The following SCFD2 variants were observed in gnomAD, a reference collection of about 807,000 sequenced individuals.
SCFD2 encodes the protein sec1 family domain-containing protein 2.
Under a neutral mutation model 58.9 loss-of-function variants are expected in SCFD2, and 54 were observed. That is an observed-to-expected ratio of 0.92 (90% CI 0.74 to 1.15). SCFD2 has a LOEUF of 1.15. SCFD2 is among the 50% of genes most tolerant of loss of function. The probability of loss-of-function intolerance (pLI) is 0.00; values close to 1 mark genes in which losing one functional copy is unlikely to be tolerated. For synonymous variants in SCFD2, 321 were observed against 335.9 expected, an observed-to-expected ratio of 0.96 and a Z score of 0.49; for missense variants, 805 against 836.6, an observed-to-expected ratio of 0.96 and a Z score of 0.47.
intron 7 of SCFD2, 130 bp from the exon 8 acceptor site, chr4:52,885,996 A>C (rs1718731444): frequency 8.7e-7 from 1 of 1,153,656 alleles, no homozygotes; most frequent in African/African-American, 1.5e-5. Flanking sequence ...AGGCAGACAA[A>C]TCCTAGGCAG....
chr4:53,152,935 A>T (rs1195693041), intron 4 of SCFD2, among the ~76,000 whole-genome samples: 1 of 152,220 alleles, frequency 6.6e-6, no homozygotes, highest in African/African-American at 2.4e-5. Flanking sequence ...TATGTCTCAC[A>T]TCCTGGGCAC....
intron 4 of SCFD2, among the ~76,000 whole-genome samples, chr4:53,266,189 T>C (rs1730979397): frequency 6.6e-6 from 1 of 152,200 alleles, no homozygotes; most frequent in Non-Finnish European, 1.5e-5. Context: ...AACATTTTTC[T>C]AAGTGACAAA....
At position 53,311,934 on chromosome 4, in the gene SCFD2, G is replaced by A. The variant is rs149469922; in HGVS notation, c.1135+1702C>T. Reference sequence around the variant, plus strand: ...TAGTCGAGAGCCACTGCGTCCGGCCGATTCACAATATTAATTAGTTCTTGT... The same window carrying A: ...TAGTCGAGAGCCACTGCGTCCGGCCAATTCACAATATTAATTAGTTCTTGT... On this transcript the variant is annotated intron_variant, in intron 3 of 8. Transcript: ENST00000401642. 1.4e-3 allele frequency among the ~76,000 whole-genome samples: 206 copies of A among 151,932 alleles called. 1 individual carries two copies. Among genetic ancestry groups the A allele is most frequent in the African/African-American group, 4.6e-3 (192 of 41,478 alleles).
chr4:53,167,246 A>G (rs1411758198), intron 4 of SCFD2, among the ~76,000 whole-genome samples: 1 of 152,218 alleles, frequency 6.6e-6, no homozygotes, highest in East Asian at 1.9e-4. Context: ...AATACTCTGT[A>G]GCCTTTTCTA....
chr4:52,907,503 G>A lies in SCFD2; in HGVS notation c.1796C>T (p.Ser599Leu). The A allele has an allele frequency of 1.9e-6, 3 of 1,613,964 alleles. No homozygotes were observed. The highest frequency in any genetic ancestry group is 2.2e-5 in the East Asian group (1 of 44,882). ...PDSVDIEHMSSGLTDLLKTGF... is the reference protein window; with the variant it reads ...PDSVDIEHMSLGLTDLLKTGF... ...AGTTTTAAGGAGATCAGTGAGGCCT[G>A]AAGACATGTGTTCAATATCAACGGA... The change falls in exon 7 of 9, where the codon TCA becomes TTA. Residue 599 changes from serine (S) to leucine (L), a missense_variant. Physicochemically the swap from Ser to Leu is moderately radical, Grantham distance 145 (BLOSUM62 -2). Coordinates refer to ENST00000401642, the MANE Select transcript of SCFD2 (RefSeq NM_152540.4).
At chr4:53,118,127 T>G (rs1298869128) in intron 5 of SCFD2, among the ~76,000 whole-genome samples, 1 of 152,100 alleles carries the variant, frequency 6.6e-6, no homozygotes, top group Non-Finnish European at 1.5e-5. Context: ...AACAAAAATG[T>G]GAGACACAAA....
chr4:53,337,877 A>C (rs1186869509), intron 2 of SCFD2, among the ~76,000 whole-genome samples: 2 of 152,238 alleles, frequency 1.3e-5, no homozygotes, highest in Non-Finnish European at 2.9e-5. Flanking sequence ...TCAGTAAAAA[A>C]AATGCATAAA....
chr4:53,201,348 A>G (rs1728230411), intron 4 of SCFD2, among the ~76,000 whole-genome samples: 3 of 152,188 alleles, frequency 2.0e-5, no homozygotes, highest in Non-Finnish European at 2.9e-5. Context: ...TACAAAGGAC[A>G]TGAACTCATC....
chr4:52,944,048 T>A (rs549805656), intron 5 of SCFD2, among the ~76,000 whole-genome samples: 3 of 152,220 alleles, frequency 2.0e-5, no homozygotes, highest in Non-Finnish European at 4.4e-5. Context: ...CTGACAAGGA[T>A]AATGAGCACT....
chr4:53,248,093 G>A (rs778430185), intron 4 of SCFD2, among the ~76,000 whole-genome samples: 6 of 152,186 alleles, frequency 3.9e-5, no homozygotes, highest in Non-Finnish European at 5.9e-5. Context: ...GAAGCAGGGC[G>A]AGGCATTGCC....
chr4:52,939,361 G>T (rs561207867), intron 5 of SCFD2, among the ~76,000 whole-genome samples: 1 of 152,288 alleles, frequency 6.6e-6, no homozygotes, highest in South Asian at 2.1e-4. Flanking sequence ...GGAAACTGAT[G>T]TTCAGAATTG....
intron 4 of SCFD2, among the ~76,000 whole-genome samples, chr4:53,177,327 A>G (rs1292250146): frequency 6.6e-6 from 1 of 152,188 alleles, no homozygotes; most frequent in Non-Finnish European, 1.5e-5. Flanking sequence ...TCCACAATTG[A>G]GGTATCAGGT....
chr4:52,975,938 C>T lies in SCFD2; in HGVS notation c.1562-55068G>A, dbSNP rs1485864625. Among the ~76,000 whole-genome samples the T allele has an allele frequency of 4.0e-5, 6 of 149,172 alleles. No homozygotes were observed. The Admixed American group carries it at 4.1e-4, about 10-fold the overall frequency. On this transcript the variant is annotated intron_variant, in intron 5 of 8. Transcript: ENST00000401642. ...TATCGCAAGGACAAAAAACCAAACACCACATGTTCTCACTCATAGGTGGGA... is the reference window on the plus strand; with the variant it reads ...TATCGCAAGGACAAAAAACCAAACATCACATGTTCTCACTCATAGGTGGGA...
chr4:53,271,225 A>C (rs1731153574), intron 4 of SCFD2, among the ~76,000 whole-genome samples: 1 of 152,008 alleles, frequency 6.6e-6, no homozygotes. Flanking sequence ...CTGGTAAACT[A>C]ACAATATATA....
At chr4:53,195,227 T>C (rs1192019891) in intron 4 of SCFD2, among the ~76,000 whole-genome samples, 2 of 152,172 alleles carry the variant, frequency 1.3e-5, no homozygotes, top group Non-Finnish European at 2.9e-5. Flanking sequence ...GAACTTAACA[T>C]TGGCATGGCA....
At chr4:52,957,820 T>G (rs371233157) in intron 5 of SCFD2, 117 of 152,360 alleles carry the variant, frequency 7.7e-4, no homozygotes, top group African/African-American at 2.7e-3. Context: ...AAACTAACGC[T>G]GATAGAGGTA....
At chr4:53,013,259 G>A (rs1317171877) in intron 5 of SCFD2, among the ~76,000 whole-genome samples, 1 of 152,192 alleles carries the variant, frequency 6.6e-6, no homozygotes, top group East Asian at 1.9e-4. Flanking sequence ...CATTTATCAA[G>A]TACTGGTAAA....
intron 4 of SCFD2, among the ~76,000 whole-genome samples, chr4:53,171,031 A>G (rs1309792265): frequency 1.3e-5 from 2 of 152,100 alleles, no homozygotes; most frequent in Non-Finnish European, 2.9e-5. Flanking sequence ...CTCTTCTCTA[A>G]TTGATCTGAT....
At chr4:53,078,506 T>C (rs2148855683) in intron 5 of SCFD2, among the ~76,000 whole-genome samples, 1 of 152,272 alleles carries the variant, frequency 6.6e-6, no homozygotes, top group East Asian at 1.9e-4. Flanking sequence ...TTCTAAACAA[T>C]AGGGGCTGAA....
Sources: allele counts gnomAD v4.1 joint callset (sites outside exome capture counted in the v4.1 genomes callset), GRCh38; gene constraint gnomAD v4.1.1; transcripts MANE v1.5; gene names NCBI Gene and HGNC (gene_info 2026-07-23, HGNC 2026-07-21).